The following NKAIN3 variants were observed in gnomAD, a reference collection of about 807,000 sequenced individuals.
The protein encoded by NKAIN3 is sodium/potassium-transporting ATPase subunit beta-1-interacting protein 3.
Under a neutral mutation model 30.2 loss-of-function variants are expected in NKAIN3, and 25 were observed. That is an observed-to-expected ratio of 0.83 (90% CI 0.60 to 1.16). The LOEUF (loss-of-function observed/expected upper bound fraction) is 1.16. Among genes scored for constraint, NKAIN3 ranks in the 50% most tolerant of loss-of-function variants. NKAIN3 has a pLI of 0.00. For missense variants in NKAIN3, 225 were observed against 254.1 expected (o/e 0.89, Z 0.78); for synonymous variants, 91 against 89.6 (o/e 1.02, Z -0.09).
At chr8:62,740,692 A>G (rs1020657530) in intron 3 of NKAIN3, among the ~76,000 whole-genome samples, 5 of 152,102 alleles carry the variant, frequency 3.3e-5, no homozygotes, top group Admixed American at 6.5e-5. Context: ...CACACTTACT[A>G]TGAATAAAAT....
At chr8:62,277,733 C>T (rs982032276) in intron 1 of NKAIN3, among the ~76,000 whole-genome samples, 3 of 152,160 alleles carry the variant, frequency 2.0e-5, no homozygotes, top group African/African-American at 7.2e-5. Context: ...ATAAAGTTCA[C>T]TTTACTTACT....
chr8:62,460,927 G>A (rs1029673033), intron 1 of NKAIN3, among the ~76,000 whole-genome samples: 6 of 152,144 alleles, frequency 3.9e-5, no homozygotes, highest in Non-Finnish European at 2.9e-5. Context: ...GAAAATCTTG[G>A]GAATGAATTG....
intron 1 of NKAIN3, among the ~76,000 whole-genome samples, chr8:62,502,046 A>T (rs868554384): frequency 2.9e-4 from 44 of 152,334 alleles, no homozygotes; most frequent in Middle Eastern, 6.8e-3. Context: ...TCATGCTGTC[A>T]TAGCAGATGG....
At chr8:62,769,454 T>C (rs1251600845) in intron 4 of NKAIN3, among the ~76,000 whole-genome samples, 1 of 152,204 alleles carries the variant, frequency 6.6e-6, no homozygotes, top group Non-Finnish European at 1.5e-5. Flanking sequence ...GTTCTGTCTA[T>C]ATGATGCCCC....
intron 1 of NKAIN3, among the ~76,000 whole-genome samples, chr8:62,487,842 A>G (rs141846214): frequency 2.7e-3 from 415 of 152,286 alleles, no homozygotes; most frequent in African/African-American, 9.6e-3. Context: ...TTTCATTGCC[A>G]GCTACAAATT....
At chr8:62,866,161 C>T (rs1203860323) in intron 4 of NKAIN3, among the ~76,000 whole-genome samples, 1 of 152,130 alleles carries the variant, frequency 6.6e-6, no homozygotes, top group Non-Finnish European at 1.5e-5. Context: ...GTCATAATGC[C>T]TCCTCTGGGC....
At chr8:62,512,381 G>T (rs1807840850) in intron 1 of NKAIN3, among the ~76,000 whole-genome samples, 1 of 152,034 alleles carries the variant, frequency 6.6e-6, no homozygotes, top group Non-Finnish European at 1.5e-5. Context: ...TCTTTTAAAT[G>T]GTCAGTGAGG....
chr8:62,391,764 T>C (rs980339749), intron 1 of NKAIN3, among the ~76,000 whole-genome samples: 2 of 152,058 alleles, frequency 1.3e-5, no homozygotes, highest in African/African-American at 4.8e-5. Context: ...TTGAAACCTC[T>C]CATTGTTTAA....
chr8:62,415,862 A>G (rs916517430), intron 1 of NKAIN3, among the ~76,000 whole-genome samples: 2 of 151,906 alleles, frequency 1.3e-5, no homozygotes, highest in African/African-American at 4.8e-5. Context: ...GGTTCACGCC[A>G]TTCTCCTGCC....
At chr8:62,702,007 C>T (rs1814354937) in intron 3 of NKAIN3, among the ~76,000 whole-genome samples, 1 of 152,170 alleles carries the variant, frequency 6.6e-6, no homozygotes, top group Non-Finnish European at 1.5e-5. Context: ...TAACAGTAGC[C>T]ACCTGCGCTT....
chr8:62,683,420 T>C (rs1813706084), intron 3 of NKAIN3, among the ~76,000 whole-genome samples: 1 of 152,166 alleles, frequency 6.6e-6, no homozygotes, highest in South Asian at 2.1e-4. Context: ...AAAACAATAC[T>C]AAGGAGTTAC....
intron 4 of NKAIN3, among the ~76,000 whole-genome samples, chr8:62,908,039 G>A (rs1821831706): frequency 6.6e-6 from 1 of 152,160 alleles, no homozygotes; most frequent in Admixed American, 6.5e-5. Context: ...GCCAGGATGG[G>A]GGTGATACCC....
rs1002906402 is a variant in NKAIN3 at position 62,982,545 on chromosome 8, C to A, written c.*17138C>A. ...AAGCGTCAGTAATTCTGTAGACATG[C>A]TTCATGCATGTTCTGAATAGGAGCT... On this transcript the variant is annotated 3_prime_UTR_variant, in exon 7 of 7. Transcript: ENST00000623646. 6.6e-6 allele frequency: 1 copy of A among 152,182 alleles called. No homozygotes were observed. The highest frequency in any genetic ancestry group is 1.5e-5 in the Non-Finnish European group (1 of 68,034). 9.4% of individuals were successfully genotyped at this position (152,182 alleles called of 1,614,324 possible).
chr8:62,393,909 T>A (rs906652072), intron 1 of NKAIN3, among the ~76,000 whole-genome samples: 1 of 152,142 alleles, frequency 6.6e-6, no homozygotes, highest in African/African-American at 2.4e-5. Flanking sequence ...TTCTGGTGTA[T>A]AAAATAAAAT....
chr8:62,268,028 G>A (rs1254153402), intron 1 of NKAIN3, among the ~76,000 whole-genome samples: 1 of 152,164 alleles, frequency 6.6e-6, no homozygotes, highest in Non-Finnish European at 1.5e-5. Context: ...AAGAAGCACA[G>A]ATTTAGACAA....
chr8:62,864,037 C>T, intron 4 of NKAIN3: 2 of 706,332 alleles, frequency 2.8e-6, no homozygotes, highest in Non-Finnish European at 5.2e-6. Flanking sequence ...TCTTTTCGGC[C>T]TCCGCTTTTG....
intron 1 of NKAIN3, among the ~76,000 whole-genome samples, chr8:62,359,557 C>A (rs1816480979): frequency 6.6e-6 from 1 of 152,156 alleles, no homozygotes; most frequent in African/African-American, 2.4e-5. Context: ...AGATAGAGAC[C>A]ATGTCTCCCA....
At chr8:62,438,097 G>C (rs1805223697) in intron 1 of NKAIN3, among the ~76,000 whole-genome samples, 1 of 152,152 alleles carries the variant, frequency 6.6e-6, no homozygotes, top group Non-Finnish European at 1.5e-5. Context: ...GCAATGCGCA[G>C]AGCGGGGCAG....
intron 1 of NKAIN3, among the ~76,000 whole-genome samples, chr8:62,529,093 T>C (rs1808406210): frequency 6.6e-6 from 1 of 152,144 alleles, no homozygotes; most frequent in Admixed American, 6.6e-5. Flanking sequence ...AGATGAGGTA[T>C]AGGTACAGAA....
Sources: allele counts gnomAD v4.1 joint callset (sites outside exome capture counted in the v4.1 genomes callset), GRCh38; gene constraint gnomAD v4.1.1; transcripts MANE v1.5; gene names NCBI Gene and HGNC (gene_info 2026-07-23, HGNC 2026-07-21).